AOPEP: variants seen among roughly 807,000 people sequenced by gnomAD.
The protein encoded by AOPEP is aminopeptidase O (putative).
AOPEP carries 77 observed loss-of-function variants against 98.1 expected under a neutral mutation model. That is an observed-to-expected ratio of 0.78 (90% confidence interval 0.65 to 0.95). The LOEUF is 0.95. AOPEP is among the 40% of genes least tolerant of loss of function. The pLI, the probability that AOPEP is intolerant of heterozygous loss-of-function variation, is 0.00. For synonymous variants in AOPEP, 346 were observed against 365.3 expected (o/e 0.95, Z 0.60); for missense variants, 1,024 against 1,024.7 (o/e 1.00, Z 0.01).
intron 2 of AOPEP, among the ~76,000 whole-genome samples, chr9:94,770,458 G>A (rs1840606023): frequency 1.3e-5 from 2 of 152,146 alleles, no homozygotes; most frequent in African/African-American, 2.4e-5. Context: ...GCTGTTGGCC[G>A]GGGCTGCAGG....
Position 94,764,200 on chromosome 9 carries a change from A to G in AOPEP, c.797+3620A>G, listed in dbSNP as rs193295300. 4.0e-4 allele frequency among the ~76,000 whole-genome samples: 61 copies of G among 152,322 alleles called. 1 individual carries two copies. In the East Asian group the frequency reaches 0.01, roughly 26 times the overall value. ...TTCCTCGCAAAAGCTCTTAACTCCAATCTAATCATGAGAAAAGCATCAGAT... is the reference window on the plus strand; with the variant it reads ...TTCCTCGCAAAAGCTCTTAACTCCAGTCTAATCATGAGAAAAGCATCAGAT... On this transcript the variant is annotated intron_variant, in intron 2 of 16. Transcript: ENST00000375315.
At chr9:94,740,583 C>T (rs1479320667) in intron 1 of AOPEP, among the ~76,000 whole-genome samples, 4 of 152,074 alleles carry the variant, frequency 2.6e-5, no homozygotes, top group African/African-American at 9.7e-5. Flanking sequence ...CTCCTTGCAC[C>T]CCTCGAGTTT....
At chr9:95,007,290 A>T (rs1400486393) in intron 13 of AOPEP, among the ~76,000 whole-genome samples, 5 of 151,942 alleles carry the variant, frequency 3.3e-5, no homozygotes, top group Non-Finnish European at 5.9e-5. Flanking sequence ...GTGGATTACT[A>T]GATGTTGTCA....
chr9:95,120,700 T>C, the AOPEP span, among the ~76,000 whole-genome samples: 1 of 152,222 alleles, frequency 6.6e-6, no homozygotes, highest in Non-Finnish European at 1.5e-5. Flanking sequence ...AGTGCTGGGA[T>C]TACAGGCATG....
chr9:95,126,888 C>A, the AOPEP span: 1 of 364,244 alleles, frequency 2.7e-6, no homozygotes, highest in Non-Finnish European at 5.2e-6. Flanking sequence ...CTTTAAACAT[C>A]CCTCTGCCCG....
intron 7 of AOPEP, among the ~76,000 whole-genome samples, chr9:94,936,170 T>C (rs1408744395): frequency 6.6e-6 from 1 of 152,138 alleles, no homozygotes; most frequent in Non-Finnish European, 1.5e-5. Context: ...ACCAGAGAGC[T>C]CTCCTTAAAA....
intron 11 of AOPEP, among the ~76,000 whole-genome samples, chr9:94,982,655 AC>A (rs1274279576): frequency 2.8e-5 from 4 of 144,356 alleles, no homozygotes; most frequent in African/African-American, 1.0e-4. Context: ...TGCAGCCTAC[AC>A]CTCCCGGGCT....
chr9:95,003,461 T>C (rs1476595487), intron 11 of AOPEP, among the ~76,000 whole-genome samples: 5 of 152,218 alleles, frequency 3.3e-5, no homozygotes, highest in Admixed American at 6.5e-5. Context: ...AAAAAAATTC[T>C]AGTGGGTAAA....
chr9:94,819,946 CTTTTTT>C (rs11423201), intron 5 of AOPEP, among the ~76,000 whole-genome samples: 2 of 121,588 alleles, frequency 1.6e-5, no homozygotes. Context: ...TAGTGCAATT[CTTTTTT>C]TTTTTTTTTT....
intron 1 of AOPEP, among the ~76,000 whole-genome samples, chr9:94,738,312 T>C (rs1050573764): frequency 6.6e-6 from 1 of 152,222 alleles, no homozygotes; most frequent in Non-Finnish European, 1.5e-5. Context: ...TCTAGGTTCC[T>C]GTTGCCTGCT....
At chr9:95,060,924 A>C in intron 14 of AOPEP, 114 bp downstream of exon 14, 62 of 733,366 alleles carry the variant, frequency 8.5e-5, no homozygotes, top group Non-Finnish European at 1.3e-4. Context: ...GCAAAATCTC[A>C]TGTGTTTGCT....
the AOPEP span, chr9:95,117,316 T>C: frequency 7.4e-6 from 12 of 1,613,930 alleles, no homozygotes; most frequent in Non-Finnish European, 9.3e-6. Flanking sequence ...CTAACTCACC[T>C]TGAGGGTCTT....
intron 3 of AOPEP, among the ~76,000 whole-genome samples, chr9:94,786,189 A>G (rs935148178): frequency 1.3e-5 from 2 of 152,208 alleles, no homozygotes; most frequent in African/African-American, 4.8e-5. Flanking sequence ...ACTTTGTGCC[A>G]ATTATTATGC....
At chr9:95,084,435 G>A (rs1385232787) in intron 16 of AOPEP, among the ~76,000 whole-genome samples, 1 of 152,224 alleles carries the variant, frequency 6.6e-6, no homozygotes, top group Non-Finnish European at 1.5e-5. Context: ...CAGACTTGAC[G>A]CGGCTCCCCT....
intron 5 of AOPEP, among the ~76,000 whole-genome samples, chr9:94,858,540 C>G (rs2044522507): frequency 6.6e-6 from 1 of 152,212 alleles, no homozygotes; most frequent in South Asian, 2.1e-4. Context: ...CTGGTGGCCA[C>G]TGATGTTCCT....
intron 5 of AOPEP, among the ~76,000 whole-genome samples, chr9:94,922,979 T>C (rs2053837170): frequency 6.6e-6 from 1 of 152,236 alleles, no homozygotes; most frequent in Non-Finnish European, 1.5e-5. Context: ...GCCGACATGA[T>C]AGCAAACAAA....
At chr9:94,949,783 A>G (rs1014833411) in intron 7 of AOPEP, among the ~76,000 whole-genome samples, 10 of 152,358 alleles carry the variant, frequency 6.6e-5, no homozygotes, top group Admixed American at 3.9e-4. Flanking sequence ...CCGAAAACAA[A>G]CAGTGGATAG....
chr9:95,080,750 A>G lies in AOPEP; in HGVS notation c.2289A>G (p.Lys763=), dbSNP rs774314524. Reference sequence around the variant, plus strand: ...AGCACAAGTTCACGAAAGCCTACAAAAGTGTGGAGAGGTTCCTTCAGGAGG... The same window carrying G: ...AGCACAAGTTCACGAAAGCCTACAAGAGTGTGGAGAGGTTCCTTCAGGAGG... ...IVKHKFTKAY[K]SVERFLQEDQ... Residue 763 remains lysine (K), a synonymous_variant, in exon 15 of 17, where the codon AAA becomes AAG. Coordinates refer to ENST00000375315, the MANE Select transcript of AOPEP (RefSeq NM_001193329.3). 26 of 1,613,956 alleles carry G rather than the reference A, an allele frequency of 1.6e-5. No homozygotes were observed. In the Admixed American group the frequency reaches 4.3e-4, roughly 27 times the overall value.
At chr9:95,067,301 G>T (rs1167575332) in intron 14 of AOPEP, among the ~76,000 whole-genome samples, 1 of 152,202 alleles carries the variant, frequency 6.6e-6, no homozygotes, top group Non-Finnish European at 1.5e-5. Flanking sequence ...GTGTAATGGT[G>T]GAATTTTGTG....
Sources: allele counts gnomAD v4.1 joint callset (sites outside exome capture counted in the v4.1 genomes callset), GRCh38; gene constraint gnomAD v4.1.1; transcripts MANE v1.5; gene names NCBI Gene and HGNC (gene_info 2026-07-23, HGNC 2026-07-21).